The following TRDN variants were observed in gnomAD, a reference collection of about 807,000 sequenced individuals.
TRDN encodes the protein triadin in skeletal muscle.
TRDN carries 161 observed loss-of-function variants against 149.7 expected under a neutral mutation model. The ratio of observed to expected loss-of-function variants is 1.08; its 90% confidence interval spans 0.95 to 1.23. The LOEUF is 1.23. Among genes scored for constraint, TRDN ranks in the 50% most tolerant of loss-of-function variants. The pLI is 0.00. For missense variants in TRDN, 896 were observed against 823.5 expected, an observed-to-expected ratio of 1.09 and a Z score of -1.08; for synonymous variants, 294 against 250.5, an observed-to-expected ratio of 1.17 and a Z score of -1.64.
At chr6:123,332,768 T>C (rs566296526) in intron 22 of TRDN, among the ~76,000 whole-genome samples, 2 of 152,026 alleles carry the variant, frequency 1.3e-5, no homozygotes, top group Non-Finnish European at 2.9e-5. Context: ...ACCATATTAT[T>C]TGGGTGAAAA....
chr6:123,279,413 A>C (rs1201283617), intron 24 of TRDN, among the ~76,000 whole-genome samples: 1 of 152,156 alleles, frequency 6.6e-6, no homozygotes, highest in African/African-American at 2.4e-5. Flanking sequence ...AAAACTTTAT[A>C]AAAACTAGTG....
At chr6:123,223,704 C>CCTTCCTTT (rs1283662007) in intron 39 of TRDN, among the ~76,000 whole-genome samples, 108 of 149,116 alleles carry the variant, frequency 7.2e-4, no homozygotes, top group Non-Finnish European at 1.3e-3. Flanking sequence ...TTCCTTCCTT[C>CCTTCCTTT]CTTCCTTCCT....
chr6:123,447,792 G>A (rs1205863757), intron 10 of TRDN, among the ~76,000 whole-genome samples: 2 of 151,000 alleles, frequency 1.3e-5, no homozygotes, highest in African/African-American at 4.9e-5. Context: ...AAAAAAGGTC[G>A]TTGTGAATGT....
intron 5 of TRDN, among the ~76,000 whole-genome samples, chr6:123,521,127 T>C (rs2114283273): frequency 6.6e-6 from 1 of 152,302 alleles, no homozygotes; most frequent in South Asian, 2.1e-4. Context: ...GAAGGAGTTC[T>C]AGACAAATCA....
chr6:123,600,917 T>C (rs1384468123), intron 1 of TRDN, among the ~76,000 whole-genome samples: 1 of 151,574 alleles, frequency 6.6e-6, no homozygotes, highest in Non-Finnish European at 1.5e-5. Flanking sequence ...TAGCAAATTG[T>C]TTTAAAAACA....
chr6:123,272,727 G>A (rs905221785), intron 29 of TRDN, among the ~76,000 whole-genome samples: 3 of 151,812 alleles, frequency 2.0e-5, no homozygotes, highest in African/African-American at 4.8e-5. Context: ...TGGTTTTTGT[G>A]CAAAGCTAAC....
intron 5 of TRDN, among the ~76,000 whole-genome samples, chr6:123,517,779 G>A (rs868433983): frequency 1.1e-4 from 16 of 151,478 alleles, no homozygotes; most frequent in African/African-American, 2.7e-4. Flanking sequence ...TTTCCTCTTG[G>A]TTCAAATGCC....
chr6:123,600,396 A>G (rs1321178996), intron 1 of TRDN, among the ~76,000 whole-genome samples: 1 of 152,004 alleles, frequency 6.6e-6, no homozygotes, highest in African/African-American at 2.4e-5. Context: ...AGGAGCTGAG[A>G]AAGGAGGAAT....
intron 12 of TRDN, among the ~76,000 whole-genome samples, chr6:123,425,271 G>C (rs965586817): frequency 6.8e-5 from 10 of 146,132 alleles, no homozygotes; most frequent in African/African-American, 2.6e-4. Context: ...GTGTGTGTGT[G>C]TGTGTGTATG....
intron 26 of TRDN, among the ~76,000 whole-genome samples, chr6:123,276,041 GA>G (rs1273973983): frequency 2.0e-5 from 3 of 152,100 alleles, no homozygotes; most frequent in Non-Finnish European, 4.4e-5. Context: ...GCCAAAAGGG[GA>G]AGACAGCAGG....
At chr6:123,583,168 T>C (rs546570733) in intron 1 of TRDN, among the ~76,000 whole-genome samples, 65 of 152,264 alleles carry the variant, frequency 4.3e-4, no homozygotes, top group African/African-American at 1.5e-3. Flanking sequence ...AGTTTGGGGA[T>C]GGCACCAGGA....
chr6:123,574,703 AT>A (rs1489709150), intron 1 of TRDN, among the ~76,000 whole-genome samples: 1 of 151,728 alleles, frequency 6.6e-6, no homozygotes, highest in Admixed American at 6.6e-5. Flanking sequence ...TGAGTTGTAT[AT>A]TAGAGACTAT....
At chr6:123,402,129 C>G (rs1343538302) in intron 12 of TRDN, among the ~76,000 whole-genome samples, 1 of 152,116 alleles carries the variant, frequency 6.6e-6, no homozygotes, top group Non-Finnish European at 1.5e-5. Flanking sequence ...AAGCAGAAGG[C>G]CATTGGCCTG....
intron 16 of TRDN, 126 bp downstream of exon 16, chr6:123,381,244 A>C (rs183853417): frequency 9.4e-6 from 8 of 855,338 alleles, no homozygotes; most frequent in Non-Finnish European, 1.4e-5. Flanking sequence ...TGGACAAAAA[A>C]CAACAGAGTT....
At chr6:123,507,690 G>A (rs1041875672) in intron 7 of TRDN, among the ~76,000 whole-genome samples, 4 of 151,960 alleles carry the variant, frequency 2.6e-5, no homozygotes, top group African/African-American at 7.3e-5. Context: ...ATTGCCATGG[G>A]TATTCAAATC....
intron 22 of TRDN, among the ~76,000 whole-genome samples, chr6:123,334,093 T>C (rs1779771894): frequency 6.6e-6 from 1 of 152,020 alleles, no homozygotes; most frequent in South Asian, 2.1e-4. Flanking sequence ...ACAGCATGGC[T>C]GGGGAGGAGT....
At position 123,235,801 on chromosome 6, in the gene TRDN, G is replaced by A. The variant is rs530058597; in HGVS notation, c.1976-11670C>T. Reference sequence around the variant, plus strand: ...AATCTCATATGCATGAAAACTTCCCGTATGGAACCTTTGGAGCTTAGCTTC... The same window carrying A: ...AATCTCATATGCATGAAAACTTCCCATATGGAACCTTTGGAGCTTAGCTTC... On this transcript the variant is annotated intron_variant, in intron 38 of 40. Transcript: ENST00000334268. Among the ~76,000 whole-genome samples, 91 of 152,148 alleles carry A rather than the reference G, an allele frequency of 6.0e-4. 2 individuals are homozygous for A. The highest frequency in any genetic ancestry group is 1.8e-4 in the Non-Finnish European group (12 of 68,002).
In TRDN at chr6:123,632,665, G is replaced by A. The variant is rs145530516; in HGVS notation, c.22+4089C>T. Among the ~76,000 whole-genome samples, 603 of 152,128 alleles carry A rather than the reference G, an allele frequency of 4.0e-3. 6 individuals carry two copies. Among genetic ancestry groups the A allele is most frequent in the Middle Eastern group, 6.8e-3 (2 of 294 alleles). Reference sequence around the variant, plus strand: ...CAAGAACATCTCCTGGAAGTGACCAGGGCTTGAAACTAGTGCTACATCCCT... The same window carrying A: ...CAAGAACATCTCCTGGAAGTGACCAAGGCTTGAAACTAGTGCTACATCCCT... On this transcript the variant is annotated intron_variant, in intron 1 of 40. Coordinates refer to ENST00000334268, the MANE Select transcript of TRDN (RefSeq NM_006073.4).
At chr6:123,631,196 G>A (rs1240303239) in intron 1 of TRDN, among the ~76,000 whole-genome samples, 1 of 151,352 alleles carries the variant, frequency 6.6e-6, no homozygotes, top group Non-Finnish European at 1.5e-5. Flanking sequence ...GACTAATCAG[G>A]TTTATGTGAT....
Sources: gnomAD v4.1 joint callset for allele counts (sites outside exome capture counted in the v4.1 genomes callset) on GRCh38, gnomAD v4.1.1 for gene constraint, MANE v1.5 for transcripts, NCBI Gene and HGNC (gene_info 2026-07-23, HGNC 2026-07-21) for gene names.